Variants in KTN1 observed in about 807,000 individuals in gnomAD.
KTN1 encodes the protein kinectin 1.
Under a neutral mutation model 222.5 loss-of-function variants are expected in KTN1, and 130 were observed. The observed-to-expected ratio is 0.58, with a 90% confidence interval of 0.51 to 0.68. The LOEUF is 0.68. Ranked by LOEUF, KTN1 falls within the 30% of genes least tolerant of loss-of-function variation. KTN1 has a pLI of 0.00. For synonymous variants in KTN1, 512 were observed against 496.3 expected (o/e 1.03, Z -0.42); for missense variants, 1,508 against 1,500.4 (o/e 1.01, Z -0.08).
intron 31 of KTN1, among the ~76,000 whole-genome samples, chr14:55,660,118 C>T (rs141482997): frequency 7.2e-4 from 109 of 152,204 alleles, no homozygotes; most frequent in African/African-American, 2.3e-3. Context: ...TGGTAGCTCA[C>T]GCCTGTAATC....
At chr14:55,668,450 A>G (rs2045092179) in intron 34 of KTN1, 1 of 151,986 alleles carries the variant, frequency 6.6e-6, no homozygotes, top group Admixed American at 6.6e-5. Flanking sequence ...TGGTGTTAGC[A>G]TGTTCCTCTT....
chr14:55,637,154 A>C (rs10483646), intron 10 of KTN1, 44 bp from the exon 11 acceptor site: 108,265 of 1,431,342 alleles, frequency 0.076, 4,484 homozygotes, highest in Non-Finnish European at 0.087. Context: ...ATGAGTAACT[A>C]GGCAAAGAAA....
At chr14:55,661,390 T>A (rs2141224660) in intron 31 of KTN1, 132 bp from the exon 32 acceptor site, 1 of 552,958 alleles carries the variant, frequency 1.8e-6, no homozygotes, top group East Asian at 2.9e-5. Context: ...GTAGGTAGAC[T>A]CTTTAATGTA....
chr14:55,679,349 A>G (rs1052602538), intron 42 of KTN1: 36 of 424,756 alleles, frequency 8.5e-5, no homozygotes, highest in Non-Finnish European at 1.4e-4. Context: ...AAGTGACAAC[A>G]TTTATAACAT....
At chr14:55,588,023 A>G (rs1047878345) in intron 1 of KTN1, among the ~76,000 whole-genome samples, 13 of 152,300 alleles carry the variant, frequency 8.5e-5, no homozygotes, top group African/African-American at 2.2e-4. Context: ...CCTTTGGACA[A>G]TGTGGGAATT....
chr14:55,618,389 G>C (rs188707557), intron 4 of KTN1, among the ~76,000 whole-genome samples: 41 of 152,148 alleles, frequency 2.7e-4, no homozygotes, highest in Admixed American at 6.5e-5. Context: ...TGTCTCCTGT[G>C]AGGTTTCTTG....
intron 5 of KTN1, among the ~76,000 whole-genome samples, chr14:55,627,637 T>C (rs1171321214): frequency 2.0e-5 from 3 of 152,062 alleles, no homozygotes; most frequent in African/African-American, 4.8e-5. Flanking sequence ...ATGTTGCCCT[T>C]CCTGTGTCCA....
intron 1 of KTN1, among the ~76,000 whole-genome samples, chr14:55,589,271 A>G (rs2033633720): frequency 6.6e-6 from 1 of 152,204 alleles, no homozygotes; most frequent in Non-Finnish European, 1.5e-5. Context: ...TCCTGGCAGC[A>G]TTCAAAATAA....
Position 55,631,340 on chromosome 14 carries a change from T to TGA in KTN1, c.1221+1244_1221+1245dup, listed in dbSNP as rs1297833709. On this transcript the variant is annotated intron_variant, in intron 7 of 43. Transcript: ENST00000395314. ...TCTAAAACTCACCTATTGATAAGGT[T>TGA]GATATATATATATATATATATATAT... 3.7e-3 allele frequency among the ~76,000 whole-genome samples: 197 copies of TGA among 53,012 alleles called. 3 individuals carry two copies. Among genetic ancestry groups the TGA allele is most frequent in the African/African-American group, 0.017 (182 of 10,918 alleles). The allele number at this position is 53,012 out of a possible 152,430, so 34.8% of individuals were successfully genotyped here.
intron 28 of KTN1, among the ~76,000 whole-genome samples, chr14:55,655,354 A>G (rs141715178): frequency 6.2e-4 from 95 of 152,284 alleles, no homozygotes; most frequent in African/African-American, 2.1e-3. Flanking sequence ...CTCTTCATGT[A>G]TGCTGTTTTG....
At chr14:55,670,862 A>G (rs1566843639) in intron 35 of KTN1, 53 bp downstream of exon 35, 16 of 1,257,420 alleles carry the variant, frequency 1.3e-5, no homozygotes, top group Non-Finnish European at 1.8e-5. Flanking sequence ...AAAGAAGCAA[A>G]TAAGATTTTG....
At chr14:55,643,871 A>C (rs1595056432) in intron 18 of KTN1, among the ~76,000 whole-genome samples, 1 of 152,126 alleles carries the variant, frequency 6.6e-6, no homozygotes, top group South Asian at 2.1e-4. Context: ...GTACTTTTAG[A>C]TGTTTTGTTA....
At chr14:55,676,076 T>C (rs1166861044) in intron 41 of KTN1, among the ~76,000 whole-genome samples, 158 bp downstream of exon 41, 1 of 152,230 alleles carries the variant, frequency 6.6e-6, no homozygotes, top group African/African-American at 2.4e-5. Context: ...TATTTTGGAA[T>C]GAAACGTTTT....
In KTN1 at chr14:55,667,224, C is replaced by T. The variant is rs7150285; in HGVS notation, c.3178-17C>T. 537,358 of 1,475,042 alleles carry T rather than the reference C, an allele frequency of 0.36. 99,317 individuals carry two copies. The highest frequency in any genetic ancestry group is 0.42 in the Middle Eastern group (2,407 of 5,796). The allele number at this position is 1,475,042 out of a possible 1,614,324, so 91.4% of individuals were successfully genotyped here. On this transcript the variant is annotated splice_polypyrimidine_tract_variant and intron_variant, in intron 33 of 43. Transcript: ENST00000395314. The stretch of plus-strand genomic sequence containing the variant: ...CTGTGATCTTGTAAGTTTGATTTGG[C>T]TCATCTTCTGCTTTAGGAAAGGCAG...
intron 1 of KTN1, among the ~76,000 whole-genome samples, chr14:55,582,840 A>T (rs1479630564): frequency 1.3e-5 from 2 of 152,182 alleles, no homozygotes; most frequent in Non-Finnish European, 2.9e-5. Flanking sequence ...AATACACCTT[A>T]TGACCTGCTT....
intron 1 of KTN1, among the ~76,000 whole-genome samples, chr14:55,589,048 A>T (rs573527061): frequency 6.6e-6 from 1 of 152,322 alleles, no homozygotes; most frequent in East Asian, 1.9e-4. Context: ...TATACATTCA[A>T]GATTAGCCTT....
At chr14:55,584,743 G>C (rs1011968449) in intron 1 of KTN1, among the ~76,000 whole-genome samples, 6 of 152,142 alleles carry the variant, frequency 3.9e-5, no homozygotes, top group Admixed American at 3.9e-4. Context: ...GCTTCTATGA[G>C]GGTAGGCTTT....
chr14:55,675,148 T>C (rs77518975), intron 40 of KTN1: 24 of 152,336 alleles, frequency 1.6e-4, no homozygotes, highest in African/African-American at 5.5e-4. Context: ...AATTACCTTA[T>C]GAGAATAAGA....
chr14:55,637,489 T>C lies in KTN1; in HGVS notation c.1716+125T>C, dbSNP rs868294284. ...TGAAATGATGATGAATAATTATAAC[T>C]TTGTCTTTTGAGCACTTGTCACAAT... On this transcript the variant is annotated intron_variant, in intron 11 of 43. Coordinates refer to ENST00000395314, the MANE Select transcript of KTN1 (RefSeq NM_001079521.2). 1.5e-4 allele frequency: 118 copies of C among 771,802 alleles called. 1 individual carries two copies. In the South Asian group the frequency reaches 2.1e-3, roughly 14 times the overall value. 47.8% of individuals were successfully genotyped at this position (771,802 alleles called of 1,614,324 possible).
Sources: allele counts gnomAD v4.1 joint callset (sites outside exome capture counted in the v4.1 genomes callset), GRCh38; gene constraint gnomAD v4.1.1; transcripts MANE v1.5; gene names NCBI Gene and HGNC (gene_info 2026-07-23, HGNC 2026-07-21).